DEFB104B: variants seen among roughly 807,000 people sequenced by gnomAD.
DEFB104B encodes beta-defensin 104.
In DEFB104B at chr8:7,474,515, C is replaced by T. The variant is rs191805270; in HGVS notation, c.58+496G>A. On this transcript the variant is annotated intron_variant, in intron 1 of 1. Coordinates refer to ENST00000316169, the MANE Select transcript of DEFB104B (RefSeq NM_001040702.1). ...TTCTTGCCTACTGAAATCACTGCAT[C>T]CCCTTTAATCCTAATCATCTGACTT... Among the ~76,000 whole-genome samples, 1,187 of 141,452 alleles carry T rather than the reference C, an allele frequency of 8.4e-3. 103 individuals are homozygous for T. Among genetic ancestry groups the T allele is most frequent in the Middle Eastern group, 0.045 (12 of 266 alleles). 92.8% of individuals were successfully genotyped at this position (141,452 alleles called of 152,430 possible). A position where few individuals can be genotyped will look rare whatever the true frequency, so the allele number is the denominator to read the frequency against.
chr8:7,472,800 CATAAT>C (rs1378735246), intron 1 of DEFB104B, among the ~76,000 whole-genome samples: 1 of 135,846 alleles, frequency 7.4e-6, no homozygotes, highest in African/African-American at 2.9e-5. Context: ...TTTAGGGAGA[CATAAT>C]ACATCAATCA....
At chr8:7,472,010 A>G (rs529363416) in intron 1 of DEFB104B, among the ~76,000 whole-genome samples, 2 of 151,526 alleles carry the variant, frequency 1.3e-5, no homozygotes, top group African/African-American at 4.9e-5. Context: ...CATGTGCTGG[A>G]TAGGATATTG....
At chr8:7,472,409 A>T (rs1486083023) in intron 1 of DEFB104B, among the ~76,000 whole-genome samples, 1 of 134,884 alleles carries the variant, frequency 7.4e-6, no homozygotes, top group Non-Finnish European at 1.6e-5. Flanking sequence ...GAAGGCTCAG[A>T]GAAGGAAAGT....
chr8:7,474,709 C>T (rs1585523167), intron 1 of DEFB104B, among the ~76,000 whole-genome samples: 2 of 140,312 alleles, frequency 1.4e-5, no homozygotes, highest in Non-Finnish European at 3.2e-5. Context: ...GTCCTCACTG[C>T]TGAGGATTCC....
intron 1 of DEFB104B, among the ~76,000 whole-genome samples, chr8:7,472,236 TG>T (rs1207527367): frequency 7.1e-6 from 1 of 139,934 alleles, no homozygotes; most frequent in Non-Finnish European, 1.5e-5. Flanking sequence ...CTTTACAACC[TG>T]GAGTTAGAGG....
At chr8:7,472,464 C>T (rs1372558598) in intron 1 of DEFB104B, among the ~76,000 whole-genome samples, 2 of 138,152 alleles carry the variant, frequency 1.4e-5, no homozygotes, top group Non-Finnish European at 3.1e-5. Context: ...AAAGCTGGAA[C>T]AGAAACCTAG....
intron 1 of DEFB104B, among the ~76,000 whole-genome samples, chr8:7,474,064 A>T (rs990706725): frequency 7.1e-6 from 1 of 140,604 alleles, no homozygotes; most frequent in African/African-American, 2.6e-5. Context: ...AGTTAACCTA[A>T]ACAGGTACCC....
intron 1 of DEFB104B, among the ~76,000 whole-genome samples, chr8:7,474,446 C>G (rs1300106222): frequency 7.0e-6 from 1 of 142,026 alleles, no homozygotes; most frequent in African/African-American, 2.6e-5. Flanking sequence ...ATTTCCTGAG[C>G]AGAGTTCAAA....
chr8:7,473,941 A>C (rs1811040941), intron 1 of DEFB104B, among the ~76,000 whole-genome samples: 1 of 140,636 alleles, frequency 7.1e-6, no homozygotes, highest in South Asian at 2.3e-4. Flanking sequence ...AGGTTGAAGA[A>C]AACCTGTTCT....
intron 1 of DEFB104B, among the ~76,000 whole-genome samples, chr8:7,472,509 A>T (rs1348938328): frequency 5.1e-5 from 7 of 138,178 alleles, no homozygotes; most frequent in Non-Finnish European, 1.1e-4. Flanking sequence ...AACAGAATGC[A>T]AAAGGGAGAA....
chr8:7,474,915 C>T, intron 1 of DEFB104B, 96 bp downstream of exon 1: 1 of 454,444 alleles, frequency 2.2e-6, no homozygotes, highest in Non-Finnish European at 4.2e-6. Flanking sequence ...AAGGTTACTC[C>T]ATCCTTCAGG....
intron 1 of DEFB104B, among the ~76,000 whole-genome samples, chr8:7,474,325 G>A (rs1178535019): frequency 6.9e-6 from 1 of 145,040 alleles, no homozygotes; most frequent in African/African-American, 2.5e-5. Context: ...TAAAAGAAGG[G>A]AATTAGATTA....
chr8:7,473,120 A>G (rs1811011562), intron 1 of DEFB104B, among the ~76,000 whole-genome samples: 1 of 140,138 alleles, frequency 7.1e-6, no homozygotes, highest in African/African-American at 2.6e-5. Context: ...GCCTCCCAAA[A>G]TGCTGAGATT....
At chr8:7,472,914 T>C (rs1369567084) in intron 1 of DEFB104B, among the ~76,000 whole-genome samples, 1 of 122,094 alleles carries the variant, frequency 8.2e-6, no homozygotes, top group African/African-American at 3.3e-5. Flanking sequence ...TAGAGTGCAA[T>C]GGCACGATCT....
intron 1 of DEFB104B, among the ~76,000 whole-genome samples, chr8:7,471,047 A>G (rs1395512450): frequency 6.6e-6 from 1 of 151,920 alleles, no homozygotes; most frequent in Non-Finnish European, 1.5e-5. Context: ...ATATTGGGCA[A>G]ATCTTTCTCT....
intron 1 of DEFB104B, among the ~76,000 whole-genome samples, chr8:7,472,056 G>A (rs1271920040): frequency 1.3e-4 from 19 of 150,706 alleles, no homozygotes; most frequent in African/African-American, 4.7e-4. Context: ...CACAGCGGGT[G>A]ATGAGGAAAG....
intron 1 of DEFB104B, among the ~76,000 whole-genome samples, chr8:7,471,234 A>ATATG (rs1235409529): frequency 1.3e-4 from 16 of 121,426 alleles, no homozygotes; most frequent in Non-Finnish European, 2.5e-4. Flanking sequence ...AGATATGTAT[A>ATATG]TATGTATGTA....
intron 1 of DEFB104B, among the ~76,000 whole-genome samples, chr8:7,474,304 T>G (rs1323240053): frequency 6.9e-6 from 1 of 145,978 alleles, no homozygotes; most frequent in Non-Finnish European, 1.5e-5. Flanking sequence ...TAGAGAATGC[T>G]GCTCAGCTTG....
intron 1 of DEFB104B, among the ~76,000 whole-genome samples, chr8:7,472,515 G>C (rs1810989985): frequency 7.3e-6 from 1 of 137,678 alleles, no homozygotes; most frequent in African/African-American, 2.9e-5. Context: ...ATGCAAAAGG[G>C]AGAATGCAGT....
Sources: allele counts gnomAD v4.1 joint callset (sites outside exome capture counted in the v4.1 genomes callset), GRCh38; gene constraint gnomAD v4.1.1; transcripts MANE v1.5; gene names NCBI Gene and HGNC (gene_info 2026-07-23, HGNC 2026-07-21).